Variants in COPB2 observed in about 807,000 individuals in gnomAD.
COPB2 encodes the protein coatomer subunit beta'.
Under a neutral mutation model 120.8 loss-of-function variants are expected in COPB2, and 16 were observed. The ratio of observed to expected loss-of-function variants is 0.13; its 90% confidence interval spans 0.09 to 0.20. The LOEUF is 0.20. Ranked by LOEUF, COPB2 falls within the 10% of genes least tolerant of loss-of-function variation. The probability of loss-of-function intolerance (pLI) is 1.00; values close to 1 mark genes in which losing one functional copy is unlikely to be tolerated. For missense variants in COPB2, 794 were observed against 1,076.5 expected, an observed-to-expected ratio of 0.74 and a Z score of 3.67; for synonymous variants, 332 against 366.3, an observed-to-expected ratio of 0.91 and a Z score of 1.07.
At chr3:139,369,130 TTTTATA>T in intron 12 of COPB2, 125 bp downstream of exon 12, 1 of 615,640 alleles carries the variant, frequency 1.6e-6, no homozygotes, top group Non-Finnish European at 2.8e-6. Context: ...CTAAGTGCTG[TTTTATA>T]TTTTAAATGG....
intron 9 of COPB2, 103 bp downstream of exon 9, chr3:139,373,110 G>A: frequency 7.0e-6 from 8 of 1,141,574 alleles, no homozygotes; most frequent in Non-Finnish European, 1.1e-5. Flanking sequence ...AGCACATTGA[G>A]GAATGATTAG....
rs757578180 is a variant in COPB2 at position 139,367,110 on chromosome 3, C to T, written c.1581G>A (p.Gly527=). ...AAATGAAGCAATCGCCTACCCAAAG[C>T]CCTGTTTTCACAATTTCCTGAATCT... ...LGEIQEIVKT[G]LWVGDCFIYT... is the part of the protein sequence containing the mutation. The change falls in exon 14 of 22, where the codon GGG becomes GGA. Residue 527 remains glycine (G), a synonymous_variant. Coordinates refer to ENST00000333188, the MANE Select transcript of COPB2 (RefSeq NM_004766.3). 3.7e-6 allele frequency: 6 copies of T among 1,613,704 alleles called. No homozygotes were observed. In the South Asian group the frequency reaches 6.6e-5, roughly 18 times the overall value.
At chr3:139,388,254 G>A (rs936079662) in intron 1 of COPB2, 2 of 152,090 alleles carry the variant, frequency 1.3e-5, no homozygotes, top group Non-Finnish European at 2.9e-5. Flanking sequence ...TGTAACCTGG[G>A]TGCCCAAGAA....
Position 139,378,282 on chromosome 3 carries a change from A to T in COPB2, c.356-93T>A, listed in dbSNP as rs1404138849. 5.0e-6 allele frequency: 6 copies of T among 1,193,396 alleles called. No homozygotes were observed. In the Admixed American group the frequency reaches 1.4e-4, roughly 28 times the overall value. 73.9% of individuals were successfully genotyped at this position (1,193,396 alleles called of 1,614,324 possible). ...TTTAGAAGAAGCAAACCTAACACAA[A>T]CCATATAATCCATGACTTACAGAAA... On this transcript the variant is annotated intron_variant, in intron 4 of 21. Transcript: ENST00000333188.
intron 15 of COPB2, among the ~76,000 whole-genome samples, chr3:139,365,761 G>C (rs1941503389): frequency 6.6e-6 from 1 of 152,052 alleles, no homozygotes. Context: ...AAGCAAAGGG[G>C]GGAAAAAGAC....
intron 2 of COPB2, chr3:139,381,802 A>C (rs1024737153): frequency 1.3e-5 from 2 of 152,204 alleles, no homozygotes; most frequent in African/African-American, 4.8e-5. Context: ...AATGTAGCTG[A>C]TAAGAGGGAA....
At chr3:139,365,089 T>G (rs542075194) in intron 15 of COPB2, among the ~76,000 whole-genome samples, 99 of 152,056 alleles carry the variant, frequency 6.5e-4, no homozygotes, top group Non-Finnish European at 1.0e-3. Flanking sequence ...AAAGACAGAA[T>G]ACAGAAAACG....
chr3:139,364,098 G>GT (rs1396040619), intron 15 of COPB2, among the ~76,000 whole-genome samples: 1 of 152,150 alleles, frequency 6.6e-6, no homozygotes, highest in Non-Finnish European at 1.5e-5. Flanking sequence ...AGAGGAAACA[G>GT]TAACAAAAGT....
At chr3:139,370,285 A>G (rs1044397704) in intron 10 of COPB2, among the ~76,000 whole-genome samples, 3 of 152,122 alleles carry the variant, frequency 2.0e-5, no homozygotes, top group African/African-American at 4.8e-5. Flanking sequence ...GTTTTTTCCT[A>G]TAATGTAAGA....
chr3:139,368,292 C>T lies in COPB2; in HGVS notation c.1402-4G>A. On this transcript the variant is annotated splice_region_variant and splice_polypyrimidine_tract_variant and intron_variant, in intron 12 of 21. Transcript: ENST00000333188. ...CTCCAGAGTCAGACCAGAAAATCTG[C>T]AACACAACAAAATCATAGACAACTG... 6.2e-7 allele frequency: 1 copy of T among 1,605,664 alleles called. No homozygotes were observed. Among genetic ancestry groups the T allele is most frequent in the Non-Finnish European group, 8.5e-7 (1 of 1,176,916 alleles).
chr3:139,375,007 TC>T (rs928665658), intron 6 of COPB2, among the ~76,000 whole-genome samples: 4 of 152,192 alleles, frequency 2.6e-5, no homozygotes, highest in African/African-American at 9.6e-5. Context: ...TTTCTAGACC[TC>T]ATTTTATTAA....
intron 13 of COPB2, among the ~76,000 whole-genome samples, chr3:139,367,906 A>G (rs554119021): frequency 6.6e-6 from 1 of 152,368 alleles, no homozygotes; most frequent in African/African-American, 2.4e-5. Context: ...TTACTGAAAG[A>G]TATCAAAGTA....
At chr3:139,366,867 C>T (rs1941527908) in intron 14 of COPB2, 92 bp from the exon 15 acceptor site, 2 of 1,490,212 alleles carry the variant, frequency 1.3e-6, no homozygotes, top group Admixed American at 3.7e-5. Flanking sequence ...AAAACCTTCC[C>T]ATTTGATTGA....
At chr3:139,364,664 T>G (rs986070706) in intron 15 of COPB2, among the ~76,000 whole-genome samples, 4 of 152,202 alleles carry the variant, frequency 2.6e-5, no homozygotes, top group Non-Finnish European at 5.9e-5. Flanking sequence ...CTTGTTAAAT[T>G]CATTACATAA....
At chr3:139,382,507 T>C (rs1941833823) in intron 2 of COPB2, 1 of 152,288 alleles carries the variant, frequency 6.6e-6, no homozygotes, top group Non-Finnish European at 1.5e-5. Flanking sequence ...GAGTTTAGTG[T>C]ACAGTCATTT....
chr3:139,365,780 A>T (rs116412842), intron 15 of COPB2, among the ~76,000 whole-genome samples: 2 of 152,214 alleles, frequency 1.3e-5, no homozygotes, highest in Non-Finnish European at 2.9e-5. Context: ...ACAATTATAA[A>T]CTAGGGAAAA....
chr3:139,370,993 C>T (rs1305998349), intron 10 of COPB2, among the ~76,000 whole-genome samples: 2 of 152,104 alleles, frequency 1.3e-5, no homozygotes, highest in African/African-American at 4.8e-5. Flanking sequence ...TTAAGTTACC[C>T]CACTGTTGGG....
At chr3:139,368,352 A>G in intron 12 of COPB2, 64 bp from the exon 13 acceptor site, 1 of 1,493,062 alleles carries the variant, frequency 6.7e-7, no homozygotes, top group South Asian at 1.3e-5. Context: ...CAAACTGCAC[A>G]TACTTGGTTT....
At position 139,383,929 on chromosome 3, in the gene COPB2, C is replaced by G. The variant is rs573601616; in HGVS notation, c.4-494G>C. Among the ~76,000 whole-genome samples the G allele has an allele frequency of 2.0e-5, 3 of 152,240 alleles. No homozygotes were observed. The East Asian group carries it at 5.8e-4, about 29-fold the overall frequency. On this transcript the variant is annotated intron_variant, in intron 1 of 21. Transcript: ENST00000333188. ...ACATTTTTGCAGAACTCTTTATAAT[C>G]TGACTTAACAGAAGACAGATGGTTT...
Sources: allele counts gnomAD v4.1 joint callset (sites outside exome capture counted in the v4.1 genomes callset), GRCh38; gene constraint gnomAD v4.1.1; transcripts MANE v1.5; gene names NCBI Gene and HGNC (gene_info 2026-07-23, HGNC 2026-07-21).